LIN54: variants seen among roughly 807,000 people sequenced by gnomAD.
LIN54 encodes the protein lin-54 DREAM MuvB core complex component, also known as protein lin-54 homolog.
In LIN54, 9 loss-of-function variants were observed where a neutral mutation model predicts 78.7. That is an observed-to-expected ratio of 0.11 (90% CI 0.07 to 0.20). The LOEUF (loss-of-function observed/expected upper bound fraction) is 0.20. LIN54 is among the 10% of genes least tolerant of loss of function. The pLI is 1.00. For missense variants in LIN54, 573 were observed against 889.9 expected (o/e 0.64, Z 4.53); for synonymous variants, 269 against 318.4 (o/e 0.84, Z 1.65).
intron 4 of LIN54, among the ~76,000 whole-genome samples, chr4:82,947,382 C>G (rs962312074): frequency 6.9e-6 from 1 of 143,980 alleles, no homozygotes; most frequent in Non-Finnish European, 1.5e-5. Context: ...ACAGGTACCA[C>G]GCCCAGTTAA....
intron 4 of LIN54, among the ~76,000 whole-genome samples, chr4:82,947,224 TATA>T (rs1394591799): frequency 5.1e-4 from 11 of 21,398 alleles, no homozygotes; most frequent in African/African-American, 1.6e-3. Context: ...TATATATATA[TATA>T]TATATATATT....
At chr4:82,996,293 G>T (rs373293956) in intron 1 of LIN54, among the ~76,000 whole-genome samples, 21 of 152,184 alleles carry the variant, frequency 1.4e-4, no homozygotes, top group Admixed American at 9.2e-4. Context: ...GCTCTTCATA[G>T]GCTAAAAGAG....
intron 1 of LIN54, among the ~76,000 whole-genome samples, chr4:82,996,951 C>T (rs751160446): frequency 6.6e-6 from 1 of 151,944 alleles, no homozygotes; most frequent in Non-Finnish European, 1.5e-5. Flanking sequence ...TATCCCATTA[C>T]CCTGGCATTT....
At chr4:82,987,367 G>A (rs1727245573) in intron 1 of LIN54, among the ~76,000 whole-genome samples, 1 of 152,032 alleles carries the variant, frequency 6.6e-6, no homozygotes, top group Admixed American at 6.6e-5. Flanking sequence ...TGCCATTGGT[G>A]TTTTAAAACA....
chr4:82,964,196 G>A (rs1042363713), intron 4 of LIN54, among the ~76,000 whole-genome samples: 8 of 151,860 alleles, frequency 5.3e-5, no homozygotes, highest in Admixed American at 3.3e-4. Flanking sequence ...GACTACAGGC[G>A]TGTGCCACCA....
upstream of LIN54, among the ~76,000 whole-genome samples, chr4:83,011,136 G>A (rs935839127): frequency 6.6e-6 from 1 of 152,246 alleles, no homozygotes; most frequent in Non-Finnish European, 1.5e-5. Context: ...AGCAACTTGA[G>A]AGAGATGGTG....
At chr4:82,931,768 T>C (rs570315495) in intron 11 of LIN54, among the ~76,000 whole-genome samples, 1 of 152,298 alleles carries the variant, frequency 6.6e-6, no homozygotes, top group Non-Finnish European at 1.5e-5. Context: ...TATACAAATA[T>C]AGAACTTTCA....
At chr4:82,932,716 T>G (rs960940267) in intron 11 of LIN54, among the ~76,000 whole-genome samples, 1 of 150,692 alleles carries the variant, frequency 6.6e-6, no homozygotes, top group Non-Finnish European at 1.5e-5. Context: ...TCTCAGCTAC[T>G]CGAGAGGCTG....
chr4:82,994,870 G>C (rs918133669), intron 1 of LIN54, among the ~76,000 whole-genome samples: 1 of 151,988 alleles, frequency 6.6e-6, no homozygotes, highest in African/African-American at 2.4e-5. Flanking sequence ...GCACATTTTT[G>C]CTTCATATAT....
At chr4:82,980,243 A>C (rs1004148342) in intron 2 of LIN54, among the ~76,000 whole-genome samples, 2 of 152,150 alleles carry the variant, frequency 1.3e-5, no homozygotes, top group Non-Finnish European at 2.9e-5. Flanking sequence ...AGTTAAAAGA[A>C]GAAATTTACC....
rs537055067 is a variant in LIN54, at chr4:82,984,938, C to CA, written c.-32-63dup. On this transcript the variant is annotated intron_variant, in intron 1 of 12. Transcript: ENST00000340417. ...TTTCAAAAGATGTAAGAAAAAAATTCAAAAAAAATGCAAATGGCAAAATGA... is the reference window on the plus strand; with the variant it reads ...TTTCAAAAGATGTAAGAAAAAAATTCAAAAAAAAATGCAAATGGCAAAATGA... 4,797 of 1,182,414 alleles carry CA rather than the reference C, an allele frequency of 4.1e-3. 150 individuals carry two copies. The African/African-American group carries it at 0.064, about 16-fold the overall frequency. The allele number at this position is 1,182,414 out of a possible 1,614,324, so 73.2% of individuals were successfully genotyped here.
At chr4:82,985,609 C>G (rs530668851) in intron 1 of LIN54, among the ~76,000 whole-genome samples, 1 of 152,228 alleles carries the variant, frequency 6.6e-6, no homozygotes, top group South Asian at 2.1e-4. Flanking sequence ...GGCACAATCT[C>G]AGCTCACTGC....
At chr4:82,996,102 G>C (rs1052389167) in intron 1 of LIN54, among the ~76,000 whole-genome samples, 12 of 151,882 alleles carry the variant, frequency 7.9e-5, no homozygotes, top group African/African-American at 2.9e-4. Context: ...CCGAAATCAT[G>C]AGCAAAACTC....
intron 1 of LIN54, among the ~76,000 whole-genome samples, chr4:82,989,367 T>C (rs763783072): frequency 3.9e-5 from 6 of 152,140 alleles, no homozygotes; most frequent in African/African-American, 9.7e-5. Context: ...CTGGCACTTA[T>C]GGGAATTCAC....
intron 1 of LIN54, among the ~76,000 whole-genome samples, chr4:82,998,470 G>A (rs13435203): frequency 0.35 from 49,715 of 142,134 alleles, 9,451 homozygotes; most frequent in African/African-American, 0.54. Context: ...TTGAACCCAG[G>A]AGGTGGAGGT....
intron 1 of LIN54, among the ~76,000 whole-genome samples, chr4:82,987,411 AC>A (rs1288300794): frequency 1.3e-5 from 2 of 152,244 alleles, no homozygotes; most frequent in East Asian, 1.9e-4. Context: ...TAAGAAAAAA[AC>A]AAAAAACAAA....
At position 82,926,701 on chromosome 4, in the gene LIN54, AC is replaced by A. The variant is rs1363008246; in HGVS notation, c.*1400del. 9 of 152,204 alleles carry A rather than the reference AC, an allele frequency of 5.9e-5. No individual in the cohort carries two copies. The highest frequency in any genetic ancestry group is 2.2e-4 in the African/African-American group (9 of 41,458). 9.4% of individuals were successfully genotyped at this position (152,204 alleles called of 1,614,324 possible). On this transcript the variant is annotated 3_prime_UTR_variant, in exon 13 of 13. Transcript: ENST00000340417. Reference sequence around the variant, plus strand: ...AGGTTATTTTAGTAATTATAGGAAAACAGACCTTCCAAATCACTGGCTGAAA... The same window carrying A: ...AGGTTATTTTAGTAATTATAGGAAAAAGACCTTCCAAATCACTGGCTGAAA...
At chr4:82,957,130 T>C (rs1357848572) in intron 4 of LIN54, among the ~76,000 whole-genome samples, 4 of 152,208 alleles carry the variant, frequency 2.6e-5, no homozygotes. Flanking sequence ...ACAATTCAAT[T>C]ATGTAAGAGC....
At chr4:82,962,655 C>A (rs1724893019) in intron 4 of LIN54, among the ~76,000 whole-genome samples, 1 of 149,550 alleles carries the variant, frequency 6.7e-6, no homozygotes, top group African/African-American at 2.5e-5. Flanking sequence ...AAAAAAAGGG[C>A]CAAATGAAAA....
Sources: gnomAD v4.1 joint callset for allele counts (sites outside exome capture counted in the v4.1 genomes callset) on GRCh38, gnomAD v4.1.1 for gene constraint, MANE v1.5 for transcripts, NCBI Gene and HGNC (gene_info 2026-07-23, HGNC 2026-07-21) for gene names.